The following UGT2A1 variants were observed in gnomAD, a reference collection of about 807,000 sequenced individuals.
The protein encoded by UGT2A1 is UDP glucuronosyltransferase family 2 member A1 complex locus.
Under a neutral mutation model 45.4 loss-of-function variants are expected in UGT2A1, and 61 were observed. That is an observed-to-expected ratio of 1.34 (90% CI 1.09 to 1.66). The LOEUF (loss-of-function observed/expected upper bound fraction) is 1.66. UGT2A1 is among the 40% of genes most tolerant of loss of function. The pLI is 0.00. For synonymous variants in UGT2A1, 229 were observed against 196.2 expected (o/e 1.17, Z -1.40); for missense variants, 649 against 574.3 (o/e 1.13, Z -1.33).
At chr4:69,636,586 C>A (rs945544517) in intron 2 of UGT2A1, among the ~76,000 whole-genome samples, 1 of 152,064 alleles carries the variant, frequency 6.6e-6, no homozygotes, top group Non-Finnish European at 1.5e-5. Flanking sequence ...GCCTTTTTCA[C>A]ACTTATCTAA....
chr4:69,624,038 T>C (rs1016674112), intron 3 of UGT2A1, among the ~76,000 whole-genome samples: 9 of 151,726 alleles, frequency 5.9e-5, no homozygotes, highest in African/African-American at 2.2e-4. Flanking sequence ...TATTTCCTCA[T>C]TTATTTTCTG....
chr4:69,598,923 G>A (rs1719090928), intron 4 of UGT2A1, among the ~76,000 whole-genome samples: 1 of 152,114 alleles, frequency 6.6e-6, no homozygotes, highest in Admixed American at 6.6e-5. Flanking sequence ...ATAATGCTAT[G>A]TGGCTTGGTA....
At chr4:69,624,777 C>A (rs1470517973) in intron 3 of UGT2A1, among the ~76,000 whole-genome samples, 1 of 151,294 alleles carries the variant, frequency 6.6e-6, no homozygotes, top group African/African-American at 2.4e-5. Flanking sequence ...CTTCACAATA[C>A]AATAAATATC....
chr4:69,601,166 A>G (rs2109894491), intron 3 of UGT2A1, among the ~76,000 whole-genome samples: 1 of 152,192 alleles, frequency 6.6e-6, no homozygotes, highest in South Asian at 2.1e-4. Flanking sequence ...CCCCATGTGG[A>G]TTCTTCTGTG....
intron 1 of UGT2A1, among the ~76,000 whole-genome samples, chr4:69,648,974 A>C (rs1722401955): frequency 6.6e-6 from 1 of 152,068 alleles, no homozygotes; most frequent in East Asian, 1.9e-4. Flanking sequence ...CAGCCTGCCA[A>C]AAGCATGCTA....
intron 3 of UGT2A1, among the ~76,000 whole-genome samples, chr4:69,633,963 C>T (rs1413932905): frequency 6.6e-6 from 1 of 151,964 alleles, no homozygotes; most frequent in African/African-American, 2.4e-5. Flanking sequence ...TTTAAAAACC[C>T]GGCCGCGCGC....
intron 2 of UGT2A1, among the ~76,000 whole-genome samples, chr4:69,643,487 C>T (rs954056218): frequency 1.3e-4 from 19 of 151,382 alleles, no homozygotes; most frequent in Admixed American, 5.3e-4. Flanking sequence ...CAACTTTTTT[C>T]TTGCAATGAA....
chr4:69,641,611 G>C (rs1036478859), intron 2 of UGT2A1, among the ~76,000 whole-genome samples: 9 of 151,812 alleles, frequency 5.9e-5, no homozygotes, highest in African/African-American at 2.2e-4. Flanking sequence ...TTCTCTAAAA[G>C]CTTAAATTTA....
chr4:69,589,226 G>A lies in UGT2A1; in HGVS notation c.*146C>T. On this transcript the variant is annotated 3_prime_UTR_variant, in exon 7 of 7. Coordinates refer to ENST00000286604, the MANE Select transcript of UGT2A1 (RefSeq NM_001252275.3). ...GCCAAAATCTAGGCTTTATCAGTAG[G>A]CTTATCGCAGGTAGAGAAATAGAAA... 1 of 1,042,768 alleles carries A rather than the reference G, an allele frequency of 9.6e-7. No homozygotes were observed. The allele number at this position is 1,042,768 out of a possible 1,614,324, so 64.6% of individuals were successfully genotyped here.
At position 69,647,305 on chromosome 4, in the gene UGT2A1, C is replaced by A. The variant is rs769786232; in HGVS notation, c.340G>T (p.Val114Leu). Reference protein sequence around the residue: ...IWRFYQEMAKVIKDFHMVSQE... With the variant: ...IWRFYQEMAKLIKDFHMVSQE... ...GACACCATGTGGAAGTCCTTGATTA[C>A]TTTGGCCATCTCCTGATAGAATCTC... Residue 114 changes from valine (V) to leucine (L), a missense_variant, in exon 2 of 7, where the codon GTA becomes TTA. Val to Leu is a conservative substitution (Grantham distance 32). Transcript: ENST00000286604. 10 of 1,613,252 alleles carry A rather than the reference C, an allele frequency of 6.2e-6. No homozygotes were observed. Among genetic ancestry groups the A allele is most frequent in the Non-Finnish European group, 8.5e-6 (10 of 1,179,546 alleles).
chr4:69,629,886 A>C (rs1721290282), intron 3 of UGT2A1, among the ~76,000 whole-genome samples: 1 of 152,082 alleles, frequency 6.6e-6, no homozygotes, highest in African/African-American at 2.4e-5. Flanking sequence ...CCATAAGAAT[A>C]ATCAGTAAGA....
chr4:69,616,250 G>A (rs1468413701), intron 3 of UGT2A1, among the ~76,000 whole-genome samples: 1 of 151,812 alleles, frequency 6.6e-6, no homozygotes, highest in Non-Finnish European at 1.5e-5. Flanking sequence ...GGGGTGGGGA[G>A]GGTATAAAGA....
Position 69,628,745 on chromosome 4 carries a change from A to G in UGT2A1, c.847+6946T>C, listed in dbSNP as rs185036176. 4.4e-4 allele frequency among the ~76,000 whole-genome samples: 65 copies of G among 148,368 alleles called. 1 individual carries two copies. Among genetic ancestry groups the G allele is most frequent in the African/African-American group, 1.6e-3 (64 of 40,182 alleles). ...TGAATGATCTAGAATGCCTACTTCTACTTAATACTAAATGTAAAGTTTCAG... is the reference window on the plus strand; with the variant it reads ...TGAATGATCTAGAATGCCTACTTCTGCTTAATACTAAATGTAAAGTTTCAG... On this transcript the variant is annotated intron_variant, in intron 3 of 6. Coordinates refer to ENST00000286604, the MANE Select transcript of UGT2A1 (RefSeq NM_001252275.3).
chr4:69,622,813 A>G (rs370933076), intron 3 of UGT2A1, among the ~76,000 whole-genome samples: 10 of 151,796 alleles, frequency 6.6e-5, no homozygotes, highest in African/African-American at 2.2e-4. Flanking sequence ...CCTCAAACAC[A>G]TTCATCCAGC....
chr4:69,593,858 C>T lies in UGT2A1; in HGVS notation c.1304+619G>A, dbSNP rs1250617179. ...TTTACTGATTAGTTTATAATATGTA[C>T]ATACTTACTAATTAGTTTATAATAT... On this transcript the variant is annotated intron_variant, in intron 6 of 6. Transcript: ENST00000286604. Among the ~76,000 whole-genome samples the T allele has an allele frequency of 2.0e-5, 3 of 150,870 alleles. No homozygotes were observed. The East Asian group carries it at 5.8e-4, about 29-fold the overall frequency.
At chr4:69,635,473 C>T (rs1310732151) in intron 3 of UGT2A1, among the ~76,000 whole-genome samples, 1 of 152,180 alleles carries the variant, frequency 6.6e-6, no homozygotes, top group African/African-American at 2.4e-5. Flanking sequence ...AGGCTAGTCT[C>T]AAATTCTACA....
chr4:69,647,474 A>C lies in UGT2A1; in HGVS notation c.171T>G (p.Gly57=), dbSNP rs141770164. 1,603 of 1,613,086 alleles carry C rather than the reference A, an allele frequency of 9.9e-4. 8 individuals carry two copies. The highest frequency in any genetic ancestry group is 5.0e-3 in the Middle Eastern group (30 of 6,052). ...EHNVTVLVAS[G]ALFITPTSNP... ...TAGAGGTTGGTGTGATGAAAAGTGC[A>C]CCAGAGGCAACTAGGACAGTCACAT... Residue 57 remains glycine, a synonymous_variant, in exon 2 of 7, where the codon GGT becomes GGG. Coordinates refer to ENST00000286604, the MANE Select transcript of UGT2A1 (RefSeq NM_001252275.3).
At chr4:69,592,185 C>A (rs1004164990) in intron 6 of UGT2A1, among the ~76,000 whole-genome samples, 2 of 152,010 alleles carry the variant, frequency 1.3e-5, no homozygotes, top group African/African-American at 4.8e-5. Context: ...AAATTCCATC[C>A]GAGTTTACCT....
intron 3 of UGT2A1, among the ~76,000 whole-genome samples, chr4:69,617,977 G>A (rs952812580): frequency 4.0e-5 from 6 of 151,706 alleles, no homozygotes; most frequent in South Asian, 2.1e-4. Flanking sequence ...TATGTCTTTC[G>A]GAAATCATTC....
Sources: allele counts gnomAD v4.1 joint callset (sites outside exome capture counted in the v4.1 genomes callset), GRCh38; gene constraint gnomAD v4.1.1; transcripts MANE v1.5; gene names NCBI Gene and HGNC (gene_info 2026-07-23, HGNC 2026-07-21).